Variants in LITAF observed in about 807,000 individuals in gnomAD.
LITAF encodes lipopolysaccharide induced TNF factor, also known as lipopolysaccharide-induced tumor necrosis factor-alpha factor.
LITAF carries 9 observed loss-of-function variants against 14.5 expected under a neutral mutation model. The observed-to-expected ratio is 0.62, with a 90% confidence interval of 0.37 to 1.08. The LOEUF is 1.08. Among genes scored for constraint, LITAF ranks in the 50% least tolerant of loss-of-function variants. LITAF has a pLI of 0.01. For missense variants in LITAF, 206 were observed against 213.4 expected, an observed-to-expected ratio of 0.97 and a Z score of 0.22; for synonymous variants, 98 against 88.2, an observed-to-expected ratio of 1.11 and a Z score of -0.62.
chr16:11,623,457 C>T (rs1023720319), intron 3 of LITAF, among the ~76,000 whole-genome samples: 9 of 151,144 alleles, frequency 6.0e-5, no homozygotes, highest in African/African-American at 2.2e-4. Flanking sequence ...GTCAGGAGTT[C>T]GAAACCAGCC....
intron 1 of LITAF, among the ~76,000 whole-genome samples, chr16:11,566,321 T>A (rs2064450460): frequency 6.6e-6 from 1 of 152,162 alleles, no homozygotes; most frequent in African/African-American, 2.4e-5. Flanking sequence ...CAGAGGGGTT[T>A]TTCCCTGGAT....
At chr16:11,569,533 CAT>C (rs1485529860) in intron 1 of LITAF, among the ~76,000 whole-genome samples, 6 of 152,120 alleles carry the variant, frequency 3.9e-5, no homozygotes, top group Admixed American at 6.6e-5. Flanking sequence ...GATAACTTAA[CAT>C]GTGGAAATTT....
At position 11,632,922 on chromosome 16, in the gene LITAF, A is replaced by C. The variant is rs1450881867; in HGVS notation, c.85+611T>G. Reference sequence around the variant, plus strand: ...GTGAAGGAAACAAAGGCCAGCTCTGAGGCCCGGGGCTGGGAGGGCTGAGCT... The same window carrying C: ...GTGAAGGAAACAAAGGCCAGCTCTGCGGCCCGGGGCTGGGAGGGCTGAGCT... On this transcript the variant is annotated intron_variant, in intron 3 of 3. Transcript: ENST00000574848. The surrounding 1 kb of genome is among the most constrained non-coding windows in gnomAD (Gnocchi z 4.8). Among the ~76,000 whole-genome samples the C allele has an allele frequency of 6.6e-6, 1 of 152,136 alleles. No homozygotes were observed. The highest frequency in any genetic ancestry group is 2.4e-5 in the African/African-American group (1 of 41,426).
intron 3 of LITAF, among the ~76,000 whole-genome samples, chr16:11,627,397 T>C (rs1452376738): frequency 1.3e-5 from 2 of 152,238 alleles, no homozygotes; most frequent in Admixed American, 6.5e-5. Flanking sequence ...CCTGACAGCA[T>C]GGTCTGAGCT....
intron 3 of LITAF, among the ~76,000 whole-genome samples, chr16:11,627,661 T>C (rs761835050): frequency 6.6e-6 from 1 of 152,118 alleles, no homozygotes; most frequent in Non-Finnish European, 1.5e-5. Flanking sequence ...CTGGCCGACA[T>C]GGCAAAACCC....
chr16:11,627,699 C>A (rs1043746105), intron 3 of LITAF, among the ~76,000 whole-genome samples: 1 of 152,144 alleles, frequency 6.6e-6, no homozygotes, highest in African/African-American at 2.4e-5. Flanking sequence ...CAAAAATTAG[C>A]CAGGTGTGGT....
At position 11,556,201 on chromosome 16, in the gene LITAF, T is replaced by C. The variant is rs7403964; in HGVS notation, c.220+310A>G. On this transcript the variant is annotated intron_variant, in intron 2 of 3. Coordinates refer to ENST00000622633, the MANE Select transcript of LITAF (RefSeq NM_001136472.2). ...TTCTGCATCAGACCTCAGGAGGAAG[T>C]GTGCGGGCCCTTAAGACACAAACTC... The C allele has an allele frequency of 0.77, 369,618 of 477,146 alleles. 144,640 individuals are homozygous for C. Among genetic ancestry groups the C allele is most frequent in the Admixed American group, 0.85 (23,060 of 27,246 alleles). 29.6% of individuals were successfully genotyped at this position (477,146 alleles called of 1,614,324 possible). A position where few individuals can be genotyped will look rare whatever the true frequency, so the allele number is the denominator to read the frequency against.
At chr16:11,627,940 C>A (rs1332075648) in intron 3 of LITAF, among the ~76,000 whole-genome samples, 1 of 150,974 alleles carries the variant, frequency 6.6e-6, no homozygotes, top group Non-Finnish European at 1.5e-5. Context: ...TCATTTGAAC[C>A]CAGGAGGCGG....
chr16:11,574,689 G>C (rs1034040655), intron 1 of LITAF, among the ~76,000 whole-genome samples: 8 of 152,140 alleles, frequency 5.3e-5, no homozygotes, highest in Non-Finnish European at 2.9e-5. Flanking sequence ...CCTGTTTGCA[G>C]AGTGATTAAA....
At chr16:11,576,438 C>T (rs972430599) in intron 1 of LITAF, among the ~76,000 whole-genome samples, 1 of 150,928 alleles carries the variant, frequency 6.6e-6, no homozygotes, top group Non-Finnish European at 1.5e-5. Context: ...CACTGCACTC[C>T]AGCCTAGGCA....
intron 3 of LITAF, among the ~76,000 whole-genome samples, chr16:11,609,407 T>G (rs1163570553): frequency 6.6e-6 from 1 of 151,858 alleles, no homozygotes; most frequent in African/African-American, 2.4e-5. Context: ...AGAGATGAGG[T>G]TTCACCATGT....
intron 3 of LITAF, among the ~76,000 whole-genome samples, chr16:11,606,977 T>G (rs925151908): frequency 3.9e-5 from 6 of 152,162 alleles, no homozygotes; most frequent in African/African-American, 1.2e-4. Flanking sequence ...ACGAGCGAAG[T>G]GCTATTCCTG....
At position 11,553,492 on chromosome 16, in the gene LITAF, A is replaced by T; in HGVS notation, c.377+41T>A. 6.2e-7 allele frequency: 1 copy of T among 1,610,168 alleles called. No individual in the cohort carries two copies. The highest frequency in any genetic ancestry group is 8.5e-7 in the Non-Finnish European group (1 of 1,177,674). On this transcript the variant is annotated intron_variant, in intron 3 of 3. Coordinates refer to ENST00000622633, the MANE Select transcript of LITAF (RefSeq NM_001136472.2). The surrounding 1 kb of genome is among the most constrained non-coding windows in gnomAD (Gnocchi z 7.7). The stretch of plus-strand genomic sequence containing the variant: ...CCCACCCCCGCCAGCACCCAGAGAG[A>T]AGGGCAGGATGGCTTGGGGCCAAGT...
rs913522899 is a variant in LITAF, at chr16:11,632,444, C to T, written c.85+1089G>A. On this transcript the variant is annotated intron_variant, in intron 3 of 3. Coordinates refer to the LITAF transcript ENST00000574848. The surrounding 1 kb of genome is among the most constrained non-coding windows in gnomAD (Gnocchi z 4.8). ...GAGGGCTACTATGCTCCACTGTCTG[C>T]TGGAAACCCTGTTGACAAAGGAGGA... 6.6e-6 allele frequency among the ~76,000 whole-genome samples: 1 copy of T among 151,994 alleles called. No individual in the cohort carries two copies. The highest frequency in any genetic ancestry group is 6.6e-5 in the Admixed American group (1 of 15,248).
chr16:11,563,475 C>T (rs1346575802), intron 1 of LITAF, among the ~76,000 whole-genome samples: 1 of 152,072 alleles, frequency 6.6e-6, no homozygotes, highest in Non-Finnish European at 1.5e-5. Flanking sequence ...CCAGAAAAAT[C>T]ATGAAAGGAA....
intron 1 of LITAF, among the ~76,000 whole-genome samples, chr16:11,581,278 A>G (rs1198045225): frequency 1.3e-5 from 2 of 152,232 alleles, no homozygotes; most frequent in African/African-American, 4.8e-5. Flanking sequence ...TACATAGGCC[A>G]AGAGTAAGAA....
At chr16:11,616,096 A>T (rs942706630) in intron 3 of LITAF, among the ~76,000 whole-genome samples, 1 of 152,178 alleles carries the variant, frequency 6.6e-6, no homozygotes, top group Admixed American at 6.5e-5. Flanking sequence ...CCCCAACTCC[A>T]CGGGGACAGT....
upstream of LITAF, among the ~76,000 whole-genome samples, chr16:11,640,186 G>C (rs564868963): frequency 3.3e-5 from 5 of 152,322 alleles, no homozygotes; most frequent in African/African-American, 1.2e-4. Flanking sequence ...GATCCGCAGG[G>C]CTGAGCACTG....
At chr16:11,587,476 G>T (rs184324440), upstream of LITAF, 1 of 453,720 alleles carries the variant, frequency 2.2e-6, no homozygotes. Flanking sequence ...CTCTGAGCTC[G>T]GCTTCCTGTC....
Sources: allele counts gnomAD v4.1 joint callset (sites outside exome capture counted in the v4.1 genomes callset), GRCh38; gene constraint gnomAD v4.1.1; non-coding constraint Gnocchi (gnomAD v3.1); transcripts MANE v1.5; gene names NCBI Gene and HGNC (gene_info 2026-07-23, HGNC 2026-07-21).